C20orf141: variants seen among roughly 807,000 people sequenced by gnomAD.
C20orf141 encodes the protein chromosome 20 open reading frame 141.
In C20orf141, 8 loss-of-function variants were observed where a neutral mutation model predicts 7.8. The observed-to-expected ratio is 1.03, with a 90% confidence interval of 0.60 to 1.85. The LOEUF is 1.85. Ranked by LOEUF, C20orf141 falls within the 40% of genes most tolerant of loss-of-function variation. C20orf141 has a pLI of 0.00. For missense variants in C20orf141, 220 were observed against 203.1 expected (o/e 1.08, Z -0.51); for synonymous variants, 101 against 90.8 (o/e 1.11, Z -0.64).
Position 2,815,558 on chromosome 20 carries a change from C to A in C20orf141, c.281C>A (p.Pro94Gln). Reference sequence around the variant, plus strand: ...CACAGGCCCGCAGGTCACACTCTGCCACAGCGCAAACTTCTCACCAGGGGC... The same window carrying A: ...CACAGGCCCGCAGGTCACACTCTGCAACAGCGCAAACTTCTCACCAGGGGC... Reference protein sequence around the residue: ...LLHRPAGHTLPQRKLLTRGQS... With the variant: ...LLHRPAGHTLQQRKLLTRGQS... The change falls in exon 3 of 3, where the codon CCA becomes CAA. Residue 94 changes from proline to glutamine, a missense_variant. Physicochemically the swap from Pro to Gln is moderately conservative, Grantham distance 76 (BLOSUM62 -1). Transcript: ENST00000603872. 6.2e-7 allele frequency: 1 copy of A among 1,613,574 alleles called. No individual in the cohort carries two copies. The highest frequency in any genetic ancestry group is 8.5e-7 in the Non-Finnish European group (1 of 1,179,762).
In C20orf141 at chr20:2,815,228, C is replaced by G. The variant is rs778499041; in HGVS notation, c.44C>G (p.Pro15Arg). ...CCCAGACCCGAAGCACGTGAGGATC[C>G]GATCCCAGTTCCTCCAAGGGGCCTG... is the stretch of plus-strand genomic sequence containing the variant. ...CLPRPEARED[P>R]IPVPPRGLGA... Residue 15 changes from proline to arginine, a missense_variant, in exon 2 of 3, where the codon CCG (proline) becomes CGG (arginine). By Grantham distance (103) the Pro-to-Arg change is moderately radical (BLOSUM62 -2). Coordinates refer to ENST00000603872, the MANE Select transcript of C20orf141 (RefSeq NM_001256538.2). 1.2e-6 allele frequency: 2 copies of G among 1,613,964 alleles called. No homozygotes were observed. The highest frequency in any genetic ancestry group is 1.3e-5 in the African/African-American group (1 of 74,896).
chr20:2,815,099 G>C (rs535967780), intron 1 of C20orf141, 53 bp from the exon 2 acceptor site: 35 of 1,527,394 alleles, frequency 2.3e-5, no homozygotes, highest in Admixed American at 1.6e-4. Context: ...TCACCCTTCT[G>C]TCTGCCCGGG....
In C20orf141 at chr20:2,815,309, C is replaced by G; in HGVS notation, c.125C>G (p.Pro42Arg). The change falls in exon 2 of 3, where the codon CCT (proline) becomes CGT (arginine). Residue 42 changes from proline (P) to arginine (R), a missense_variant. Pro to Arg is a moderately radical substitution (Grantham distance 103). Transcript: ENST00000603872. The part of the protein sequence containing the change: ...PVRPPVSTWG[P>R]SWAQLLDSVL... Reference sequence around the variant, plus strand: ...CGTCCACCTGTATCCACCTGGGGCCCTAGCTGGGCCCAGCTCCTGGACAGT... The same window carrying G: ...CGTCCACCTGTATCCACCTGGGGCCGTAGCTGGGCCCAGCTCCTGGACAGT... 1 of 1,610,294 alleles carries G rather than the reference C, an allele frequency of 6.2e-7. No homozygotes were observed. Among genetic ancestry groups the G allele is most frequent in the Non-Finnish European group, 8.5e-7 (1 of 1,177,778 alleles).
In C20orf141 at chr20:2,815,349, G is replaced by A. The variant is rs780300645; in HGVS notation, c.165G>A (p.Gly55=). The change falls in exon 2 of 3, where the codon GGG becomes GGA. Residue 55 remains glycine, a synonymous_variant. Transcript: ENST00000603872. ...TCCTGGACAGTGTCCTATGGCTGGG[G>A]GCACTAGGACTGACAATCCAGGCAG... The part of the protein sequence containing the change: ...AQLLDSVLWL[G]ALGLTIQAVF... The A allele has an allele frequency of 9.4e-6, 15 of 1,599,948 alleles. No homozygotes were observed. The highest frequency in any genetic ancestry group is 1.2e-5 in the Non-Finnish European group (14 of 1,171,552).
At chr20:2,815,517 C>T (rs368046571) in intron 2 of C20orf141, 21 bp from the exon 3 acceptor site, 21 of 1,593,318 alleles carry the variant, frequency 1.3e-5, no homozygotes, top group Non-Finnish European at 1.7e-5. Context: ...TAAGCCCAGT[C>T]ACCACCCTCT....
In C20orf141 at chr20:2,815,150, A is replaced by G. The variant is rs141922354; in HGVS notation, c.-33-2A>G. ...TACTCTCACCCTTATAATCCTTTTC[A>G]GCACTAGGTCTTCCCGTCACCTCCA... On this transcript the variant is annotated splice_acceptor_variant, in intron 1 of 2. Transcript: ENST00000603872. LOFTEE classifies it low-confidence loss of function (5UTR_SPLICE). The G allele has an allele frequency of 1.4e-3, 2,222 of 1,611,356 alleles. 34 individuals carry two copies. In the African/African-American group the frequency reaches 0.026, roughly 19 times the overall value.
In C20orf141 at chr20:2,815,127, C is replaced by T. The variant is rs943921883; in HGVS notation, c.-33-25C>T. 4 of 1,598,400 alleles carry T rather than the reference C, an allele frequency of 2.5e-6. No homozygotes were observed. In the African/African-American group the frequency reaches 4.0e-5, roughly 16 times the overall value. ...TGCCCGGGCCCTACCCCTTCCCCTA[C>T]TCTCACCCTTATAATCCTTTTCAGC... On this transcript the variant is annotated intron_variant, in intron 1 of 2. Coordinates refer to ENST00000603872, the MANE Select transcript of C20orf141 (RefSeq NM_001256538.2).
At position 2,815,313 on chromosome 20, in the gene C20orf141, C is replaced by A. The variant is rs753486981; in HGVS notation, c.129C>A (p.Ser43Arg). 3 of 1,609,522 alleles carry A rather than the reference C, an allele frequency of 1.9e-6. No homozygotes were observed. The highest frequency in any genetic ancestry group is 2.5e-6 in the Non-Finnish European group (3 of 1,177,388). Residue 43 changes from serine to arginine, a missense_variant, in exon 2 of 3, where the codon AGC (serine) becomes AGA (arginine). By Grantham distance (110) the Ser-to-Arg change is moderately radical. Coordinates refer to ENST00000603872, the MANE Select transcript of C20orf141 (RefSeq NM_001256538.2). ...VRPPVSTWGP[S>R]WAQLLDSVLW... Reference sequence around the variant, plus strand: ...CACCTGTATCCACCTGGGGCCCTAGCTGGGCCCAGCTCCTGGACAGTGTCC... The same window carrying A: ...CACCTGTATCCACCTGGGGCCCTAGATGGGCCCAGCTCCTGGACAGTGTCC...
intron 1 of C20orf141, 46 bp from the exon 2 acceptor site, chr20:2,815,106 C>T (rs193060559): frequency 2.4e-5 from 38 of 1,552,170 alleles, no homozygotes; most frequent in South Asian, 8.4e-5. Context: ...TCTGTCTGCC[C>T]GGGCCCTACC....
rs1239676690 is a variant in C20orf141 at position 2,815,031 on chromosome 20, G to C, written c.-34+14G>C. The C allele has an allele frequency of 5.2e-6, 5 of 960,254 alleles. No homozygotes were observed. Among genetic ancestry groups the C allele is most frequent in the Non-Finnish European group, 7.8e-6 (5 of 643,086 alleles). The allele number at this position is 960,254 out of a possible 1,614,324, so 59.5% of individuals were successfully genotyped here. A position where few individuals can be genotyped will look rare whatever the true frequency, so the allele number is the denominator to read the frequency against. On this transcript the variant is annotated intron_variant, in intron 1 of 2. Coordinates refer to ENST00000603872, the MANE Select transcript of C20orf141 (RefSeq NM_001256538.2). ...AAGTGGGAGGAGGTGAGGAGGGTTT[G>C]CTGGGTGGGTATGGGGGAGGGGGAG...
At chr20:2,815,469 T>C (rs1390008358) in intron 2 of C20orf141, 25 bp downstream of exon 2, 4 of 1,567,858 alleles carry the variant, frequency 2.6e-6, no homozygotes, top group Middle Eastern at 1.7e-4. Flanking sequence ...GCCTGGCAGG[T>C]GGGCATTGTA....
intron 1 of C20orf141, 30 bp downstream of exon 1, chr20:2,815,047 G>C (rs1389408712): frequency 3.6e-6 from 4 of 1,112,520 alleles, no homozygotes; most frequent in Non-Finnish European, 3.9e-6. Flanking sequence ...TGGGTATGGG[G>C]GAGGGGGAGA....
chr20:2,815,574 C>A lies in C20orf141; in HGVS notation c.297C>A (p.Leu99=). The A allele has an allele frequency of 1.2e-6, 2 of 1,613,982 alleles. No homozygotes were observed. Among genetic ancestry groups the A allele is most frequent in the Non-Finnish European group, 1.7e-6 (2 of 1,179,964 alleles). ...ACACTCTGCCACAGCGCAAACTTCTCACCAGGGGCCAGAGTCAGGGGGCCG... is the reference window on the plus strand; with the variant it reads ...ACACTCTGCCACAGCGCAAACTTCTAACCAGGGGCCAGAGTCAGGGGGCCG... ...AGHTLPQRKL[L]TRGQSQGAGE... The change falls in exon 3 of 3, where the codon CTC becomes CTA. Residue 99 remains leucine (L), a synonymous_variant. Transcript: ENST00000603872.
Position 2,815,613 on chromosome 20 carries a change from ACAG to A in C20orf141, c.340_342del (p.Gln114del). On this transcript the variant is annotated inframe_deletion, in exon 3 of 3. Coordinates refer to ENST00000603872, the MANE Select transcript of C20orf141 (RefSeq NM_001256538.2). The stretch of plus-strand genomic sequence containing the variant: ...GTCAGGGGGCCGGTGAAGGTCCTGG[ACAG>A]CAGGAGGCTCTACTCCTGCAAATGG... 6.2e-7 allele frequency: 1 copy of A among 1,614,110 alleles called. No homozygotes were observed. The highest frequency in any genetic ancestry group is 8.5e-7 in the Non-Finnish European group (1 of 1,180,018).
rs1223484170 is a variant in C20orf141 at position 2,815,551 on chromosome 20, A to G, written c.274A>G (p.Thr92Ala). The change falls in exon 3 of 3, where the codon ACT (threonine) becomes GCT (alanine). Residue 92 changes from threonine to alanine, a missense_variant. By Grantham distance (58) the Thr-to-Ala change is moderately conservative. Coordinates refer to ENST00000603872, the MANE Select transcript of C20orf141 (RefSeq NM_001256538.2). ...FDLLHRPAGHTLPQRKLLTRG... is the reference protein window; with the variant it reads ...FDLLHRPAGHALPQRKLLTRG... ...CTCTCTCCACAGGCCCGCAGGTCACACTCTGCCACAGCGCAAACTTCTCAC... is the reference window on the plus strand; with the variant it reads ...CTCTCTCCACAGGCCCGCAGGTCACGCTCTGCCACAGCGCAAACTTCTCAC... 8.1e-6 allele frequency: 13 copies of G among 1,613,022 alleles called. No individual in the cohort carries two copies. The highest frequency in any genetic ancestry group is 1.0e-5 in the Non-Finnish European group (12 of 1,179,450).
Position 2,815,572 on chromosome 20 carries a change from C to A in C20orf141, c.295C>A (p.Leu99Ile). Residue 99 changes from leucine (L) to isoleucine (I), a missense_variant, in exon 3 of 3, where the codon CTC becomes ATC. Transcript: ENST00000603872. ...TCACACTCTGCCACAGCGCAAACTTCTCACCAGGGGCCAGAGTCAGGGGGC... is the reference window on the plus strand; with the variant it reads ...TCACACTCTGCCACAGCGCAAACTTATCACCAGGGGCCAGAGTCAGGGGGC... ...AGHTLPQRKL[L>I]TRGQSQGAGE... 1 of 1,613,964 alleles carries A rather than the reference C, an allele frequency of 6.2e-7. No homozygotes were observed. Among genetic ancestry groups the A allele is most frequent in the Non-Finnish European group, 8.5e-7 (1 of 1,179,954 alleles).
chr20:2,815,635 C>T lies in C20orf141; in HGVS notation c.358C>T (p.Gln120Ter), dbSNP rs1009058010. The change falls in exon 3 of 3, where the codon CAA (glutamine) becomes TAA (stop). Residue 120 changes from glutamine to a stop codon, truncating the protein, a stop_gained. Coordinates refer to ENST00000603872, the MANE Select transcript of C20orf141 (RefSeq NM_001256538.2). LOFTEE classifies it low-confidence loss of function (END_TRUNC). Reference protein sequence around the residue: ...GPGQQEALLLQMGTVSGQLSL... With the variant: ...GPGQQEALLL ...TGGACAGCAGGAGGCTCTACTCCTG[C>T]AAATGGGTACAGTCTCAGGACAACT... is the stretch of plus-strand genomic sequence containing the variant. 1.6e-5 allele frequency: 26 copies of T among 1,614,102 alleles called. No homozygotes were observed. Among genetic ancestry groups the T allele is most frequent in the Non-Finnish European group, 2.1e-5 (25 of 1,180,018 alleles).
In C20orf141 at chr20:2,815,404, C is replaced by T; in HGVS notation, c.220C>T (p.Leu74=). 6.4e-7 allele frequency: 1 copy of T among 1,566,462 alleles called. No individual in the cohort carries two copies. Among genetic ancestry groups the T allele is most frequent in the Non-Finnish European group, 8.7e-7 (1 of 1,153,706 alleles). The change falls in exon 2 of 3, where the codon CTG becomes TTG. Residue 74 remains leucine, a synonymous_variant. Transcript: ENST00000603872. The stretch of plus-strand genomic sequence containing the variant: ...TTCCACCACTGGCCCAGCCCTGCTG[C>T]TGCTTCTGGTCAGCTTCCTCACCTT... ...VFSTTGPALL[L]LLVSFLTFDL...
At chr20:2,815,092 C>T (rs747445102) in intron 1 of C20orf141, 60 bp from the exon 2 acceptor site, 173 of 1,496,074 alleles carry the variant, frequency 1.2e-4, no homozygotes, top group Non-Finnish European at 1.3e-4. Context: ...TCTGAGCTCA[C>T]CCTTCTGTCT....
Sources: gnomAD v4.1 joint callset for allele counts on GRCh38, gnomAD v4.1.1 for gene constraint, MANE v1.5 for transcripts, NCBI Gene and HGNC (gene_info 2026-07-23, HGNC 2026-07-21) for gene names.